Variants in ATP8B1 observed in about 807,000 individuals in gnomAD.
ATP8B1 encodes phospholipid-transporting ATPase IC.
Under a neutral mutation model 149.9 loss-of-function variants are expected in ATP8B1, and 80 were observed. The observed-to-expected ratio is 0.53, with a 90% CI of 0.45 to 0.64. The LOEUF (loss-of-function observed/expected upper bound fraction) is 0.64. Among genes scored for constraint, ATP8B1 ranks in the 30% least tolerant of loss-of-function variants. The pLI, the probability that ATP8B1 is intolerant of heterozygous loss-of-function variation, is 0.00. For synonymous variants in ATP8B1, 536 were observed against 562.8 expected (o/e 0.95, Z 0.67); for missense variants, 1,247 against 1,552.6 (o/e 0.80, Z 3.31).
intron 21 of ATP8B1, among the ~76,000 whole-genome samples, 190 bp from the exon 22 acceptor site, chr18:57,661,652 CAT>C (rs1185512447): frequency 6.3e-5 from 7 of 111,286 alleles, no homozygotes; most frequent in Non-Finnish European, 1.0e-4. Flanking sequence ...CACACGCACA[CAT>C]ATATGTATGT....
chr18:57,722,989 G>A (rs1164723539), intron 2 of ATP8B1, among the ~76,000 whole-genome samples: 1 of 150,218 alleles, frequency 6.7e-6, no homozygotes, highest in Non-Finnish European at 1.5e-5. Flanking sequence ...CAGAGCCAAA[G>A]ACAAAAACCA....
At chr18:57,713,200 C>CTCT (rs1913793969) in intron 2 of ATP8B1, among the ~76,000 whole-genome samples, 1 of 60,658 alleles carries the variant, frequency 1.6e-5, no homozygotes, top group African/African-American at 6.8e-5. Flanking sequence ...TCTTTCTTTC[C>CTCT]TTCCTTCCTT....
At chr18:57,666,284 A>C (rs1230739738) in intron 20 of ATP8B1, among the ~76,000 whole-genome samples, 2 of 152,146 alleles carry the variant, frequency 1.3e-5, no homozygotes, top group Non-Finnish European at 2.9e-5. Flanking sequence ...CAAAGCTAAC[A>C]AACGTTTCAG....
chr18:57,691,263 CTT>C (rs910855783), intron 12 of ATP8B1, among the ~76,000 whole-genome samples: 1 of 151,416 alleles, frequency 6.6e-6, no homozygotes, highest in African/African-American at 2.4e-5. Context: ...ATGCCCCTGA[CTT>C]TGTTGTTGTG....
chr18:57,695,522 A>G lies in ATP8B1; in HGVS notation c.709T>C (p.Leu237=). The change falls in exon 9 of 28, where the codon TTA becomes CTA. Residue 237 remains leucine, a synonymous_variant. Transcript: ENST00000648908. Reference sequence around the variant, plus strand: ...ATTTCAAGTGACATCTTAAATTTTAAATTGGTTTCTCTAAAGGAATGGGGA... The same window carrying G: ...ATTTCAAGTGACATCTTAAATTTTAGATTGGTTTCTCTAAAGGAATGGGGA... ...ETAELDGETN[L]KFKMSLEITD... 2 of 1,610,732 alleles carry G rather than the reference A, an allele frequency of 1.2e-6. No homozygotes were observed. Among genetic ancestry groups the G allele is most frequent in the Non-Finnish European group, 1.7e-6 (2 of 1,177,124 alleles).
At chr18:57,695,977 C>G (rs1912787436) in intron 8 of ATP8B1, among the ~76,000 whole-genome samples, 1 of 152,178 alleles carries the variant, frequency 6.6e-6, no homozygotes, top group African/African-American at 2.4e-5. Flanking sequence ...TTTTGAAAGA[C>G]AATTTTATTT....
chr18:57,727,544 A>G (rs1448344134), intron 2 of ATP8B1, among the ~76,000 whole-genome samples: 1 of 152,110 alleles, frequency 6.6e-6, no homozygotes, highest in Non-Finnish European at 1.5e-5. Flanking sequence ...TAATCCCAGC[A>G]CTTTGGGAGG....
chr18:57,795,076 G>A (rs1268690237), intron 1 of ATP8B1, among the ~76,000 whole-genome samples: 2 of 152,150 alleles, frequency 1.3e-5, no homozygotes, highest in South Asian at 4.2e-4. Context: ...ATATGTGTAT[G>A]CCCAGGTCCA....
chr18:57,778,240 T>TA (rs2080325983), intron 1 of ATP8B1, among the ~76,000 whole-genome samples: 1 of 150,772 alleles, frequency 6.6e-6, no homozygotes, highest in Non-Finnish European at 1.5e-5. Context: ...TTTTTTTTTT[T>TA]TTTGAGACGG....
intron 15 of ATP8B1, among the ~76,000 whole-genome samples, chr18:57,681,182 C>T (rs754413016): frequency 2.0e-5 from 3 of 152,142 alleles, no homozygotes; most frequent in Non-Finnish European, 4.4e-5. Context: ...GATTCTCCAC[C>T]GCTGGCTTTG....
intron 4 of ATP8B1, among the ~76,000 whole-genome samples, chr18:57,702,801 G>T (rs920540335): frequency 6.6e-6 from 1 of 150,822 alleles, no homozygotes; most frequent in African/African-American, 2.4e-5. Flanking sequence ...AGGTTTTGGT[G>T]AGCTGAGATC....
chr18:57,749,749 C>T (rs990044760), intron 1 of ATP8B1, among the ~76,000 whole-genome samples: 4 of 152,194 alleles, frequency 2.6e-5, no homozygotes, highest in African/African-American at 7.2e-5. Context: ...CTCCTTCCCA[C>T]CCCATCTCCA....
chr18:57,692,527 C>T (rs1049525411), intron 11 of ATP8B1, among the ~76,000 whole-genome samples: 2 of 149,630 alleles, frequency 1.3e-5, no homozygotes, highest in Admixed American at 1.4e-4. Flanking sequence ...CCTCCACCTC[C>T]CTGGTTCAAA....
chr18:57,685,178 C>A, intron 13 of ATP8B1, 63 bp from the exon 14 acceptor site: 4 of 1,568,278 alleles, frequency 2.6e-6, no homozygotes, highest in Non-Finnish European at 3.5e-6. Context: ...CCCTCCTTAC[C>A]TGGCTTTGCT....
At chr18:57,796,467 G>A (rs1261356252) in intron 1 of ATP8B1, among the ~76,000 whole-genome samples, 1 of 152,124 alleles carries the variant, frequency 6.6e-6, no homozygotes, top group Non-Finnish European at 1.5e-5. Flanking sequence ...AATATCTTGA[G>A]ACCCTGCCTC....
chr18:57,769,600 C>G (rs1329100763), intron 1 of ATP8B1, among the ~76,000 whole-genome samples: 1 of 152,170 alleles, frequency 6.6e-6, no homozygotes, highest in Non-Finnish European at 1.5e-5. Context: ...ACACACTTCA[C>G]TCTAAATTGA....
intron 15 of ATP8B1, among the ~76,000 whole-genome samples, chr18:57,679,168 T>C (rs181185804): frequency 2.6e-5 from 4 of 151,554 alleles, no homozygotes; most frequent in Admixed American, 2.0e-4. Flanking sequence ...AGGCAGAGCT[T>C]GCAGTGAGCC....
chr18:57,663,923 T>C (rs167604), intron 20 of ATP8B1, among the ~76,000 whole-genome samples: 148,072 of 151,832 alleles, frequency 0.98, 72,321 homozygotes, highest in South Asian at 1. Context: ...GGCACCACCA[T>C]GCCCAGCTAA....
In ATP8B1 at chr18:57,676,719, A is replaced by AG. The variant is rs1911618409; in HGVS notation, c.1631-1698_1631-1697insC. 1.3e-4 allele frequency among the ~76,000 whole-genome samples: 4 copies of AG among 30,952 alleles called. No homozygotes were observed. In the Admixed American group the frequency reaches 2.2e-3, roughly 17 times the overall value. 20.3% of individuals were successfully genotyped at this position (30,952 alleles called of 152,430 possible). On this transcript the variant is annotated intron_variant, in intron 15 of 27. Transcript: ENST00000648908. ...GGTGACAGACCGAGACTCCATTTCA[A>AG]AAAAAAAAAAAAAAAAAAAGAAAGA...
Sources: gnomAD v4.1 joint callset for allele counts (sites outside exome capture counted in the v4.1 genomes callset) on GRCh38, gnomAD v4.1.1 for gene constraint, MANE v1.5 for transcripts, NCBI Gene and HGNC (gene_info 2026-07-23, HGNC 2026-07-21) for gene names.